Variants in FREM3 observed in about 807,000 individuals in gnomAD.
FREM3 encodes the protein FRAS1 related extracellular matrix 3, also known as FRAS1-related extracellular matrix protein 3.
Under a neutral mutation model 129.1 loss-of-function variants are expected in FREM3, and 105 were observed. That is an observed-to-expected ratio of 0.81 (90% CI 0.69 to 0.96). FREM3 has a LOEUF of 0.96. Among genes scored for constraint, FREM3 ranks in the 40% least tolerant of loss-of-function variants. The pLI is 0.00. For synonymous variants in FREM3, 1,014 were observed against 1,044.9 expected, an observed-to-expected ratio of 0.97 and a Z score of 0.57; for missense variants, 2,593 against 2,666.3, an observed-to-expected ratio of 0.97 and a Z score of 0.61.
At chr4:143,640,514 T>C (rs1172202778) in intron 2 of FREM3, among the ~76,000 whole-genome samples, 3 of 152,242 alleles carry the variant, frequency 2.0e-5, no homozygotes, top group Non-Finnish European at 4.4e-5. Context: ...CTACTAAAAA[T>C]ACAAAATTAG....
chr4:143,657,767 G>T (rs1739627861), intron 2 of FREM3, among the ~76,000 whole-genome samples: 1 of 151,968 alleles, frequency 6.6e-6, no homozygotes, highest in African/African-American at 2.4e-5. Context: ...GTTAAAAAAG[G>T]TTATAGGATT....
intron 2 of FREM3, among the ~76,000 whole-genome samples, chr4:143,633,291 A>G (rs186502672): frequency 9.8e-5 from 15 of 152,310 alleles, no homozygotes; most frequent in Admixed American, 5.2e-4. Context: ...TTGTTTATTT[A>G]AATAGCAATG....
rs1314285486 is a variant in FREM3, at chr4:143,697,036, G to A, written c.3640C>T (p.Gln1214Ter). 3 of 1,537,524 alleles carry A rather than the reference G, an allele frequency of 2.0e-6. No homozygotes were observed. The highest frequency in any genetic ancestry group is 1.4e-5 in the African/African-American group (1 of 73,164). ...TCAGCATCTGCTCCATTAAGCAGCT[G>A]GGTGTCTATGACCAGGCTCATCCCC... ...LEGMSLVIDT[Q>*]LLNGADADLP... Residue 1214 changes from glutamine (Q) to a stop codon, truncating the protein, a stop_gained, in exon 1 of 8, where the codon CAG becomes TAG. Transcript: ENST00000329798. LOFTEE classifies it high-confidence loss of function.
intron 3 of FREM3, among the ~76,000 whole-genome samples, chr4:143,624,913 C>T (rs947699899): frequency 1.3e-5 from 2 of 152,106 alleles, no homozygotes; most frequent in African/African-American, 4.8e-5. Context: ...CTGATTCTTA[C>T]TCATGGTGGC....
intron 7 of FREM3, among the ~76,000 whole-genome samples, chr4:143,578,695 A>C (rs1738082159): frequency 6.6e-6 from 1 of 152,216 alleles, no homozygotes; most frequent in Non-Finnish European, 1.5e-5. Context: ...CTAAAGATGC[A>C]TTACCTGAAT....
intron 7 of FREM3, among the ~76,000 whole-genome samples, chr4:143,581,678 T>G (rs915948644): frequency 6.6e-6 from 1 of 152,098 alleles, no homozygotes; most frequent in African/African-American, 2.4e-5. Context: ...AGTTGCCATA[T>G]GGACAGGAGC....
At position 143,699,094 on chromosome 4, in the gene FREM3, C is replaced by T; in HGVS notation, c.1582G>A (p.Val528Met). The change falls in exon 1 of 8, where the codon GTG becomes ATG. Residue 528 changes from valine to methionine, a missense_variant. Around this residue, in one of 2 missense-constraint regions of FREM3, gnomAD observed 2,276 missense variants for 2,267.2 expected, o/e 1.00. Coordinates refer to ENST00000329798, the MANE Select transcript of FREM3 (RefSeq NM_001168235.2). The surrounding 1 kb of genome is among the most constrained non-coding windows in gnomAD (Gnocchi z 4.2). ...IFRMEDGHHQ[V>M]DFLFPLTILP... Reference sequence around the variant, plus strand: ...ATGGTGAGGGGAAAGAGGAAGTCCACTTGGTGGTGCCCGTCCTCCATCCGG... The same window carrying T: ...ATGGTGAGGGGAAAGAGGAAGTCCATTTGGTGGTGCCCGTCCTCCATCCGG... 1 of 1,537,436 alleles carries T rather than the reference C, an allele frequency of 6.5e-7. No individual in the cohort carries two copies. Among genetic ancestry groups the T allele is most frequent in the Non-Finnish European group, 8.7e-7 (1 of 1,146,970 alleles).
chr4:143,629,086 A>G (rs1233057628), intron 2 of FREM3, among the ~76,000 whole-genome samples: 2 of 152,128 alleles, frequency 1.3e-5, no homozygotes, highest in Non-Finnish European at 1.5e-5. Context: ...CTCTAAAGAT[A>G]GGAATCTTCA....
At chr4:143,598,378 T>C (rs1315364765) in intron 6 of FREM3, among the ~76,000 whole-genome samples, 1 of 152,222 alleles carries the variant, frequency 6.6e-6, no homozygotes, top group African/African-American at 2.4e-5. Context: ...TGCACTGAGC[T>C]GAAGGTTGCA....
At chr4:143,581,965 G>T (rs1738155476) in intron 7 of FREM3, among the ~76,000 whole-genome samples, 1 of 152,038 alleles carries the variant, frequency 6.6e-6, no homozygotes, top group South Asian at 2.1e-4. Flanking sequence ...AAGGAGAAGA[G>T]GCCAGTCTGT....
At chr4:143,593,399 A>G (rs1738402877) in intron 6 of FREM3, among the ~76,000 whole-genome samples, 1 of 152,288 alleles carries the variant, frequency 6.6e-6, no homozygotes, top group East Asian at 1.9e-4. Context: ...ATGGTGACGT[A>G]CAGATGGGTT....
At chr4:143,663,006 C>T (rs1283311942) in intron 2 of FREM3, among the ~76,000 whole-genome samples, 1 of 152,086 alleles carries the variant, frequency 6.6e-6, no homozygotes, top group African/African-American at 2.4e-5. Flanking sequence ...TTCCTGAATA[C>T]AGCACACTGA....
At position 143,695,620 on chromosome 4, in the gene FREM3, T is replaced by A. The variant is rs1454296269; in HGVS notation, c.5056A>T (p.Lys1686Ter). The A allele has an allele frequency of 6.5e-7, 1 of 1,537,296 alleles. No homozygotes were observed. Among genetic ancestry groups the A allele is most frequent in the South Asian group, 1.2e-5 (1 of 84,056 alleles). The part of the protein sequence containing the change: ...TGHMGFLITS[K>*]SLKAEDQDSP... ...TCCTGATCTTCTGCCTTCAGAGACT[T>A]GCTGGTAATCAGGAAGCCCATGTGT... The change falls in exon 1 of 8, where the codon AAG (lysine) becomes TAG (stop). Residue 1686 changes from lysine (K) to a stop codon, truncating the protein, a stop_gained. Transcript: ENST00000329798. LOFTEE classifies it high-confidence loss of function.
At chr4:143,605,771 C>CA (rs1172672424) in intron 6 of FREM3, among the ~76,000 whole-genome samples, 1 of 152,086 alleles carries the variant, frequency 6.6e-6, no homozygotes, top group Non-Finnish European at 1.5e-5. Context: ...TACTGAGAGG[C>CA]AAAAAATTTA....
Position 143,699,077 on chromosome 4 carries a change from G to A in FREM3, c.1599C>T (p.Pro533=). The A allele has an allele frequency of 6.5e-7, 1 of 1,537,472 alleles. No individual in the cohort carries two copies. The highest frequency in any genetic ancestry group is 8.7e-7 in the Non-Finnish European group (1 of 1,146,958). Residue 533 remains proline (P), a synonymous_variant, in exon 1 of 8, where the codon CCC becomes CCT. Coordinates refer to ENST00000329798, the MANE Select transcript of FREM3 (RefSeq NM_001168235.2). This position sits in a 1 kb window ranked among gnomAD's most constrained non-coding sequence, Gnocchi z 4.2. ...CATCATCCACAGGTAGGATGGTGAG[G>A]GGAAAGAGGAAGTCCACTTGGTGGT... is the stretch of plus-strand genomic sequence containing the variant. The part of the protein sequence containing the change: ...DGHHQVDFLF[P]LTILPVDDEP...
intron 6 of FREM3, among the ~76,000 whole-genome samples, chr4:143,606,953 A>G (rs1486093335): frequency 6.6e-6 from 1 of 152,126 alleles, no homozygotes; most frequent in Non-Finnish European, 1.5e-5. Flanking sequence ...TTAAGTTCGA[A>G]CCTGAGTTGC....
Position 143,700,004 on chromosome 4 carries a change from C to A in FREM3, c.672G>T (p.Gly224=). The change falls in exon 1 of 8, where the codon GGG becomes GGT. Residue 224 remains glycine, a synonymous_variant. Transcript: ENST00000329798. ...GGGCCCCCACCGCGTCCACCAAGCG[C>A]CCGTACTTGGGCAGGGGGCCGTCCT... ...PHEDGPLPKY[G]RLVDAVGAPL... is the part of the protein sequence containing the mutation. 6.7e-7 allele frequency: 1 copy of A among 1,502,692 alleles called. No individual in the cohort carries two copies. The highest frequency in any genetic ancestry group is 8.9e-7 in the Non-Finnish European group (1 of 1,127,950). The allele number at this position is 1,502,692 out of a possible 1,614,324, so 93.1% of individuals were successfully genotyped here.
At chr4:143,689,920 T>A (rs747829033) in intron 2 of FREM3, among the ~76,000 whole-genome samples, 14 of 151,126 alleles carry the variant, frequency 9.3e-5, no homozygotes, top group Non-Finnish European at 1.8e-4. Flanking sequence ...TATATACTGC[T>A]CGGGTGATGG....
intron 2 of FREM3, among the ~76,000 whole-genome samples, chr4:143,685,580 A>G (rs1054703734): frequency 1.3e-5 from 2 of 152,234 alleles, no homozygotes; most frequent in African/African-American, 4.8e-5. Flanking sequence ...CTATAAAACA[A>G]AAATACAAGT....
Sources: gnomAD v4.1 joint callset for allele counts (sites outside exome capture counted in the v4.1 genomes callset) on GRCh38, gnomAD v4.1.1 for gene constraint, gnomAD v4.1.1 regional missense constraint, Gnocchi (gnomAD v3.1) non-coding constraint, MANE v1.5 for transcripts, NCBI Gene and HGNC (gene_info 2026-07-23, HGNC 2026-07-21) for gene names.